NKAIN2: variants seen among roughly 807,000 people sequenced by gnomAD.
NKAIN2 encodes sodium/potassium-transporting ATPase subunit beta-1-interacting protein 2.
In NKAIN2, 14 loss-of-function variants were observed where a neutral mutation model predicts 32.6. The ratio of observed to expected loss-of-function variants is 0.43; its 90% CI spans 0.28 to 0.67. The LOEUF is 0.67. Among genes scored for constraint, NKAIN2 ranks in the 30% least tolerant of loss-of-function variants. The pLI is 0.17. For synonymous variants in NKAIN2, 80 were observed against 87.2 expected (o/e 0.92, Z 0.46); for missense variants, 198 against 258.3 (o/e 0.77, Z 1.60).
At chr6:124,001,447 G>A (rs145916993) in intron 1 of NKAIN2, among the ~76,000 whole-genome samples, 43 of 151,986 alleles carry the variant, frequency 2.8e-4, no homozygotes, top group Non-Finnish European at 4.3e-4. Flanking sequence ...TTCAAAAATA[G>A]CAAAGAGGAA....
chr6:124,774,718 T>C (rs1478983779), intron 4 of NKAIN2, among the ~76,000 whole-genome samples: 3 of 152,058 alleles, frequency 2.0e-5, no homozygotes, highest in Admixed American at 6.6e-5. Context: ...TATCTGGGCA[T>C]GGTGGTGTGC....
At chr6:124,742,175 T>TTACAGGGG (rs1200948136) in intron 4 of NKAIN2, among the ~76,000 whole-genome samples, 2 of 151,776 alleles carry the variant, frequency 1.3e-5, no homozygotes, top group Non-Finnish European at 2.9e-5. Flanking sequence ...TTTGACTGGG[T>TTACAGGGG]TACAGGGTAC....
At chr6:124,743,901 T>C (rs1777338979) in intron 4 of NKAIN2, among the ~76,000 whole-genome samples, 1 of 151,862 alleles carries the variant, frequency 6.6e-6, no homozygotes, top group South Asian at 2.1e-4. Flanking sequence ...GAGTTTGCTG[T>C]AGAATAAATG....
chr6:124,549,207 A>C (rs544784443), intron 3 of NKAIN2, among the ~76,000 whole-genome samples: 2 of 152,258 alleles, frequency 1.3e-5, no homozygotes, highest in South Asian at 4.2e-4. Flanking sequence ...TCTACTAAAA[A>C]TACAAAATAA....
At chr6:124,569,987 C>G (rs1487329725) in intron 3 of NKAIN2, among the ~76,000 whole-genome samples, 1 of 152,112 alleles carries the variant, frequency 6.6e-6, no homozygotes, top group East Asian at 1.9e-4. Flanking sequence ...AAGTTCCAGG[C>G]TGAGGTGGTC....
chr6:124,344,764 G>C (rs368935717), intron 2 of NKAIN2, among the ~76,000 whole-genome samples: 100 of 152,178 alleles, frequency 6.6e-4, no homozygotes, highest in African/African-American at 2.1e-3. Context: ...GATATACAAT[G>C]ATGTCATCTG....
chr6:124,214,993 A>G (rs1213358405), intron 1 of NKAIN2, among the ~76,000 whole-genome samples: 1 of 152,172 alleles, frequency 6.6e-6, no homozygotes, highest in Non-Finnish European at 1.5e-5. Flanking sequence ...GACAGAAACA[A>G]AAATACCAAG....
intron 1 of NKAIN2, among the ~76,000 whole-genome samples, chr6:124,103,478 A>G (rs866548904): frequency 6.6e-6 from 1 of 152,172 alleles, no homozygotes; most frequent in African/African-American, 2.4e-5. Flanking sequence ...TACAATCAGT[A>G]TCTTTAGTGC....
chr6:124,589,074 T>A (rs1338027347), intron 3 of NKAIN2, among the ~76,000 whole-genome samples: 4 of 152,186 alleles, frequency 2.6e-5, no homozygotes, highest in Non-Finnish European at 5.9e-5. Context: ...GATTAGCTTA[T>A]GAACCAGAAA....
intron 3 of NKAIN2, among the ~76,000 whole-genome samples, chr6:124,379,013 G>A (rs981642143): frequency 6.8e-6 from 1 of 147,734 alleles, no homozygotes; most frequent in South Asian, 2.2e-4. Context: ...GATGACCTGG[G>A]CCCAGGAGTT....
rs559985839 is a variant in NKAIN2, at chr6:124,064,450, A to G, written c.55-218555A>G. Among the ~76,000 whole-genome samples the G allele has an allele frequency of 4.6e-5, 7 of 151,170 alleles. No individual in the cohort carries two copies. In the South Asian group the frequency reaches 1.3e-3, roughly 27 times the overall value. ...CTCCTAACCTCCCAGTTTCTGTTTCATTTGCTTTACTTATATTACTTTCAT... is the reference window on the plus strand; with the variant it reads ...CTCCTAACCTCCCAGTTTCTGTTTCGTTTGCTTTACTTATATTACTTTCAT... On this transcript the variant is annotated intron_variant, in intron 1 of 6. Transcript: ENST00000368417.
intron 4 of NKAIN2, among the ~76,000 whole-genome samples, chr6:124,764,509 A>G (rs1778420447): frequency 6.6e-6 from 1 of 152,176 alleles, no homozygotes; most frequent in Non-Finnish European, 1.5e-5. Context: ...CCCGTAAGCT[A>G]CAAGAGACAG....
intron 1 of NKAIN2, among the ~76,000 whole-genome samples, chr6:124,162,396 G>A (rs113257038): frequency 4.9e-4 from 74 of 152,156 alleles, no homozygotes; most frequent in African/African-American, 1.7e-3. Context: ...GAATGAGATG[G>A]TATTAAATAT....
intron 4 of NKAIN2, among the ~76,000 whole-genome samples, chr6:124,723,021 A>G (rs1174908582): frequency 6.6e-6 from 1 of 152,194 alleles, no homozygotes; most frequent in African/African-American, 2.4e-5. Context: ...GCCTCACAAT[A>G]TGTTAACGGG....
chr6:124,519,583 A>G (rs555176039), intron 3 of NKAIN2, among the ~76,000 whole-genome samples: 12 of 152,318 alleles, frequency 7.9e-5, no homozygotes, highest in African/African-American at 2.9e-4. Flanking sequence ...CAAAATTTCC[A>G]AGTGAGCGTA....
chr6:123,979,115 T>C (rs949705959), intron 1 of NKAIN2, among the ~76,000 whole-genome samples: 1 of 152,194 alleles, frequency 6.6e-6, no homozygotes, highest in Middle Eastern at 3.4e-3. Context: ...AAGAAGTTCA[T>C]TTACATTCTT....
intron 1 of NKAIN2, among the ~76,000 whole-genome samples, chr6:124,241,848 A>G (rs1024045615): frequency 2.6e-5 from 4 of 151,928 alleles, no homozygotes; most frequent in Non-Finnish European, 5.9e-5. Flanking sequence ...GAAAATGTAT[A>G]TGACAGAAAA....
intron 2 of NKAIN2, among the ~76,000 whole-genome samples, chr6:124,348,330 C>T (rs1272840575): frequency 6.6e-6 from 1 of 152,194 alleles, no homozygotes; most frequent in Admixed American, 6.5e-5. Flanking sequence ...AGATCTCCAG[C>T]TGCGTGCTGG....
chr6:123,817,077 C>T (rs1465408607), intron 1 of NKAIN2, among the ~76,000 whole-genome samples: 1 of 151,940 alleles, frequency 6.6e-6, no homozygotes. Flanking sequence ...GGAGCTGGAA[C>T]AGAATGATGT....
Sources: gnomAD v4.1 joint callset for allele counts (sites outside exome capture counted in the v4.1 genomes callset) on GRCh38, gnomAD v4.1.1 for gene constraint, MANE v1.5 for transcripts, NCBI Gene and HGNC (gene_info 2026-07-23, HGNC 2026-07-21) for gene names.